The following DOK5 variants were observed in gnomAD, a reference collection of about 807,000 sequenced individuals.
DOK5 encodes docking protein 5.
A neutral mutation model predicts 43.3 loss-of-function variants in DOK5; 27 were observed. The observed-to-expected ratio is 0.62, with a 90% CI of 0.46 to 0.86. The LOEUF is 0.86. Among genes scored for constraint, DOK5 ranks in the 40% least tolerant of loss-of-function variants. DOK5 has a pLI of 0.00. For synonymous variants in DOK5, 146 were observed against 140.1 expected (o/e 1.04, Z -0.30); for missense variants, 373 against 392.9 (o/e 0.95, Z 0.43).
chr20:54,647,700 G>C, intron 7 of DOK5, among the ~76,000 whole-genome samples: 1 of 151,686 alleles, frequency 6.6e-6, no homozygotes, highest in Non-Finnish European at 1.5e-5. Context: ...CCCTAAGAAA[G>C]GTTACTGTGG....
chr20:54,496,485 G>T (rs144292485), intron 1 of DOK5, among the ~76,000 whole-genome samples: 3,010 of 152,218 alleles, frequency 0.02, 84 homozygotes, highest in African/African-American at 0.064. Flanking sequence ...AAGAAAAAAA[G>T]AGCTGAGCAC....
chr20:54,602,413 G>C (rs1439032194), intron 5 of DOK5, among the ~76,000 whole-genome samples: 1 of 152,202 alleles, frequency 6.6e-6, no homozygotes, highest in Non-Finnish European at 1.5e-5. Flanking sequence ...CTAGGAACTA[G>C]ACCTGTGTTT....
chr20:54,644,000 A>G (rs910749816), intron 7 of DOK5, among the ~76,000 whole-genome samples: 19 of 152,096 alleles, frequency 1.2e-4, no homozygotes, highest in Admixed American at 1.2e-3. Context: ...TAGAAATGCA[A>G]ATTTCCATGC....
chr20:54,559,077 AC>A (rs1189406600), intron 2 of DOK5, among the ~76,000 whole-genome samples: 1 of 152,096 alleles, frequency 6.6e-6, no homozygotes, highest in Non-Finnish European at 1.5e-5. Flanking sequence ...CAATAGTAAG[AC>A]TCCAGTGACT....
chr20:54,560,771 C>T (rs1237073120), intron 2 of DOK5, among the ~76,000 whole-genome samples: 2 of 152,208 alleles, frequency 1.3e-5, no homozygotes, highest in African/African-American at 4.8e-5. Context: ...CAGGCATCCA[C>T]CACCATGCCC....
intron 2 of DOK5, among the ~76,000 whole-genome samples, chr20:54,582,493 C>A (rs928084358): frequency 2.0e-5 from 3 of 151,218 alleles, no homozygotes; most frequent in African/African-American, 7.3e-5. Context: ...CAAAGAAATA[C>A]ACAAAAAGCC....
intron 2 of DOK5, among the ~76,000 whole-genome samples, chr20:54,570,826 G>C (rs73911974): frequency 2.0e-5 from 3 of 152,146 alleles, no homozygotes; most frequent in African/African-American, 7.2e-5. Context: ...ACAGTTTCCC[G>C]TCTAGTTACA....
intron 2 of DOK5, among the ~76,000 whole-genome samples, chr20:54,557,163 C>T (rs903089206): frequency 2.0e-5 from 3 of 152,076 alleles, no homozygotes; most frequent in South Asian, 2.1e-4. Context: ...TATCACATCA[C>T]GATATTCTTT....
chr20:54,644,310 G>A (rs1478083594), intron 7 of DOK5, among the ~76,000 whole-genome samples: 4 of 152,150 alleles, frequency 2.6e-5, no homozygotes, highest in African/African-American at 7.2e-5. Flanking sequence ...GGTGGCTCAC[G>A]CCTGTAATAT....
At chr20:54,508,828 C>T (rs117400902) in intron 1 of DOK5, among the ~76,000 whole-genome samples, 3,054 of 152,074 alleles carry the variant, frequency 0.02, 58 homozygotes, top group Middle Eastern at 0.061. Flanking sequence ...GATCTGCACC[C>T]CTTGGCCTCC....
chr20:54,585,376 C>T (rs920990901), intron 2 of DOK5, among the ~76,000 whole-genome samples: 3 of 152,172 alleles, frequency 2.0e-5, no homozygotes, highest in Non-Finnish European at 4.4e-5. Context: ...TCATACAATT[C>T]CCCCTACATT....
At chr20:54,536,628 C>T (rs1848878662) in intron 1 of DOK5, among the ~76,000 whole-genome samples, 1 of 152,106 alleles carries the variant, frequency 6.6e-6, no homozygotes, top group African/African-American at 2.4e-5. Flanking sequence ...AAAAAAAGTC[C>T]CAGCAAAAGC....
intron 1 of DOK5, among the ~76,000 whole-genome samples, chr20:54,524,522 C>T (rs1983516986): frequency 1.3e-5 from 2 of 152,136 alleles, no homozygotes; most frequent in Admixed American, 1.3e-4. Flanking sequence ...CTATTGTATG[C>T]CTCAGGACCT....
chr20:54,564,780 G>A (rs146703521), intron 2 of DOK5, among the ~76,000 whole-genome samples: 85 of 152,316 alleles, frequency 5.6e-4, no homozygotes, highest in African/African-American at 1.9e-3. Flanking sequence ...TTTCAAAGCT[G>A]TGCCTCTGCA....
chr20:54,638,111 G>C (rs1600758671), intron 6 of DOK5, among the ~76,000 whole-genome samples: 1 of 115,184 alleles, frequency 8.7e-6, no homozygotes, highest in Non-Finnish European at 1.7e-5. Context: ...GACAGAGCGA[G>C]ACTCTGTCTC....
intron 1 of DOK5, among the ~76,000 whole-genome samples, chr20:54,542,855 C>T (rs953229898): frequency 3.3e-5 from 5 of 152,262 alleles, no homozygotes; most frequent in African/African-American, 1.2e-4. Context: ...GCAATGTGTT[C>T]AGATTACTGT....
chr20:54,527,883 A>G lies in DOK5; in HGVS notation c.67-27050A>G, dbSNP rs781327078. Among the ~76,000 whole-genome samples the G allele has an allele frequency of 2.6e-5, 4 of 152,292 alleles. No individual in the cohort carries two copies. The South Asian group carries it at 6.2e-4, about 24-fold the overall frequency. On this transcript the variant is annotated intron_variant, in intron 1 of 7. Transcript: ENST00000262593. Reference sequence around the variant, plus strand: ...AGGAGAACACTGTGGAACATAATACATAGTTGATGCGATCCTCTTAATTTT... The same window carrying G: ...AGGAGAACACTGTGGAACATAATACGTAGTTGATGCGATCCTCTTAATTTT...
chr20:54,626,642 A>G (rs1159486933), intron 6 of DOK5, among the ~76,000 whole-genome samples: 2 of 152,144 alleles, frequency 1.3e-5, no homozygotes, highest in African/African-American at 4.8e-5. Flanking sequence ...CTGTGTACCC[A>G]TATTATCCTG....
intron 1 of DOK5, among the ~76,000 whole-genome samples, chr20:54,533,726 G>A (rs1983858884): frequency 6.6e-6 from 1 of 152,000 alleles, no homozygotes; most frequent in African/African-American, 2.4e-5. Flanking sequence ...CTCATATTTA[G>A]AGCTTAAGCT....
Sources: allele counts gnomAD v4.1 joint callset (sites outside exome capture counted in the v4.1 genomes callset), GRCh38; gene constraint gnomAD v4.1.1; transcripts MANE v1.5; gene names NCBI Gene and HGNC (gene_info 2026-07-23, HGNC 2026-07-21).